Variants in BSND observed in about 807,000 individuals in gnomAD.
BSND encodes the protein barttin CLCNK type accessory subunit beta.
Under a neutral mutation model 18.8 loss-of-function variants are expected in BSND, and 13 were observed. The ratio of observed to expected loss-of-function variants is 0.69; its 90% confidence interval spans 0.45 to 1.10. The LOEUF is 1.10. Among genes scored for constraint, BSND ranks in the 50% least tolerant of loss-of-function variants. The pLI, the probability that BSND is intolerant of heterozygous loss-of-function variation, is 0.00. For missense variants in BSND, 379 were observed against 416.7 expected, an observed-to-expected ratio of 0.91 and a Z score of 0.79; for synonymous variants, 170 against 161.8, an observed-to-expected ratio of 1.05 and a Z score of -0.39.
At chr1:55,005,253 T>A in intron 2 of BSND, 137 bp downstream of exon 2, 3 of 733,800 alleles carry the variant, frequency 4.1e-6, no homozygotes, top group Non-Finnish European at 6.8e-6. Context: ...TTATGGACTG[T>A]TTTCAACTCT....
Position 55,005,061 on chromosome 1 carries a change from C to G in BSND, c.217C>G (p.Leu73Val), listed in dbSNP as rs754054547. ...TGCTGACTCTGACTTTCAAGGCATC[C>G]TCTCCCCAAAGGCCATGGGCCTGCT... ...VPADSDFQGI[L>V]SPKAMGLLEN... The change falls in exon 2 of 4, where the codon CTC (leucine) becomes GTC (valine). Residue 73 changes from leucine to valine, a missense_variant. Transcript: ENST00000651561. 2 of 1,614,092 alleles carry G rather than the reference C, an allele frequency of 1.2e-6. No individual in the cohort carries two copies. The highest frequency in any genetic ancestry group is 4.5e-5 in the East Asian group (2 of 44,890).
Position 55,012,162 on chromosome 1 carries a change from C to T in BSND, c.*3534C>T, listed in dbSNP as rs953827539. ...GGGCAGGGAACCTGGGCTCTGCCGA[C>T]CGCTCGCCATGACCTTGGGTACATC... On this transcript the variant is annotated 3_prime_UTR_variant, in exon 4 of 4. Coordinates refer to ENST00000651561, the MANE Select transcript of BSND (RefSeq NM_057176.3). 1.6e-4 allele frequency among the ~76,000 whole-genome samples: 24 copies of T among 152,206 alleles called. No individual in the cohort carries two copies. The highest frequency in any genetic ancestry group is 5.8e-4 in the African/African-American group (24 of 41,452).
intron 1 of BSND, among the ~76,000 whole-genome samples, chr1:55,003,704 C>G (rs1644374577): frequency 6.6e-6 from 1 of 152,170 alleles, no homozygotes; most frequent in Admixed American, 6.6e-5. Flanking sequence ...AGAAGTCAGA[C>G]AACTGAATCA....
At chr1:55,004,715 G>A (rs1440116454) in intron 1 of BSND, among the ~76,000 whole-genome samples, 1 of 152,212 alleles carries the variant, frequency 6.6e-6, no homozygotes, top group Non-Finnish European at 1.5e-5. Context: ...ATGAAAAGAT[G>A]TGAGCTCCTC....
chr1:55,008,375 G>A lies in BSND; in HGVS notation c.710G>A (p.Arg237His), dbSNP rs138955530. ...CAGGGCTGCAGGTGCCCGCTGGACC[G>A]CTTCCAAGACTTTGCCCTGATTGAT... ...EPQGCRCPLD[R>H]FQDFALIDAP... is the part of the protein sequence containing the mutation. The change falls in exon 4 of 4, where the codon CGC (arginine) becomes CAC (histidine). Residue 237 changes from arginine (R) to histidine (H), a missense_variant. Physicochemically the swap from Arg to His is conservative, Grantham distance 29 (BLOSUM62 0). Transcript: ENST00000651561. 4.4e-5 allele frequency: 71 copies of A among 1,614,112 alleles called. No homozygotes were observed. Among genetic ancestry groups the A allele is most frequent in the South Asian group, 4.2e-4 (38 of 91,094 alleles).
rs1370907891 is a variant in BSND at position 55,016,058 on chromosome 1, A to G, written c.*7430A>G. Among the ~76,000 whole-genome samples, 1 of 152,134 alleles carries G rather than the reference A, an allele frequency of 6.6e-6. No individual in the cohort carries two copies. Among genetic ancestry groups the G allele is most frequent in the Non-Finnish European group, 1.5e-5 (1 of 68,000 alleles). ...GGGTGAGTGAGTGACTGGGGACTGGACCAGGGCGGGCTGTGGTTGTTGCCC... is the reference window on the plus strand; with the variant it reads ...GGGTGAGTGAGTGACTGGGGACTGGGCCAGGGCGGGCTGTGGTTGTTGCCC... On this transcript the variant is annotated 3_prime_UTR_variant, in exon 4 of 4. Coordinates refer to ENST00000651561, the MANE Select transcript of BSND (RefSeq NM_057176.3).
intron 1 of BSND, among the ~76,000 whole-genome samples, chr1:55,004,589 G>C (rs1644380375): frequency 6.6e-6 from 1 of 152,208 alleles, no homozygotes; most frequent in African/African-American, 2.4e-5. Context: ...ACCCACTGCA[G>C]CCCATGTGGC....
At chr1:55,000,437 T>C (rs1416401105) in intron 1 of BSND, among the ~76,000 whole-genome samples, 1 of 142,550 alleles carries the variant, frequency 7.0e-6, no homozygotes, top group Non-Finnish European at 1.5e-5. Context: ...TCCTCATTTG[T>C]ACACTGTGTG....
Position 54,998,958 on chromosome 1 carries a change from T to A in BSND, c.-229T>A. 1 of 566,014 alleles carries A rather than the reference T, an allele frequency of 1.8e-6. No individual in the cohort carries two copies. Among genetic ancestry groups the A allele is most frequent in the Non-Finnish European group, 3.2e-6 (1 of 316,934 alleles). 35.1% of individuals were successfully genotyped at this position (566,014 alleles called of 1,614,324 possible). Reference sequence around the variant, plus strand: ...AGAGGGAAGGTGAGAGGGCAAGGAGTAAAGGTGGCTGGGTGTGGGTCCGTT... The same window carrying A: ...AGAGGGAAGGTGAGAGGGCAAGGAGAAAAGGTGGCTGGGTGTGGGTCCGTT... On this transcript the variant is annotated 5_prime_UTR_variant, in exon 1 of 4. Coordinates refer to ENST00000651561, the MANE Select transcript of BSND (RefSeq NM_057176.3).
intron 1 of BSND, among the ~76,000 whole-genome samples, chr1:55,004,557 TG>T: frequency 1.3e-5 from 2 of 152,226 alleles, no homozygotes; most frequent in Non-Finnish European, 2.9e-5. Flanking sequence ...GGACAGGGAC[TG>T]GCGGGCATAA....
rs1260968188 is a variant in BSND, at chr1:54,999,352, T to G, written c.166T>G (p.Cys56Gly). ...IGGIIWSMCQ[C>G]YPKITFVPAD... ...GGGCATCATCTGGAGCATGTGCCAG[T>G]GCTACCCCAAGGTAGGTGGTAGTGG... is the stretch of plus-strand genomic sequence containing the variant. The change falls in exon 1 of 4, where the codon TGC becomes GGC. Residue 56 changes from cysteine (C) to glycine (G), a missense_variant. By Grantham distance (159) the Cys-to-Gly change is radical (BLOSUM62 -3). Transcript: ENST00000651561. The G allele has an allele frequency of 1.9e-6, 3 of 1,609,660 alleles. No individual in the cohort carries two copies. Among genetic ancestry groups the G allele is most frequent in the East Asian group, 4.5e-5 (2 of 44,766 alleles).
chr1:54,999,292 A>C lies in BSND; in HGVS notation c.106A>C (p.Thr36Pro). The change falls in exon 1 of 4, where the codon ACC becomes CCC. Residue 36 changes from threonine to proline, a missense_variant. Physicochemically the swap from Thr to Pro is conservative, Grantham distance 38 (BLOSUM62 -1). Coordinates refer to ENST00000651561, the MANE Select transcript of BSND (RefSeq NM_057176.3). Reference protein sequence around the residue: ...MSHDRPQVYGTFYAMGSVMVI... With the variant: ...MSHDRPQVYGPFYAMGSVMVI... Reference sequence around the variant, plus strand: ...CCATGATCGGCCCCAGGTCTACGGCACCTTCTATGCCATGGGCAGCGTCAT... The same window carrying C: ...CCATGATCGGCCCCAGGTCTACGGCCCCTTCTATGCCATGGGCAGCGTCAT... 6.2e-7 allele frequency: 1 copy of C among 1,613,928 alleles called. No individual in the cohort carries two copies.
Position 55,007,289 on chromosome 1 carries a change from C to T in BSND, c.548+17C>T. ...CTGGCCCGGGTGAGTGCTTAGAGGG[C>T]AGGAGTGGGGCTTCTGCCCAGTTCA... is the stretch of plus-strand genomic sequence containing the variant. On this transcript the variant is annotated intron_variant, in intron 3 of 3. Coordinates refer to ENST00000651561, the MANE Select transcript of BSND (RefSeq NM_057176.3). 1 of 1,567,984 alleles carries T rather than the reference C, an allele frequency of 6.4e-7. No individual in the cohort carries two copies. Among genetic ancestry groups the T allele is most frequent in the Non-Finnish European group, 8.7e-7 (1 of 1,154,854 alleles).
intron 1 of BSND, among the ~76,000 whole-genome samples, chr1:55,001,925 G>C (rs562598874): frequency 3.5e-4 from 54 of 152,344 alleles, no homozygotes; most frequent in African/African-American, 1.3e-3. Flanking sequence ...GGTAGCGAGG[G>C]AGTGGGGCTC....
intron 2 of BSND, among the ~76,000 whole-genome samples, chr1:55,006,568 C>T (rs1481808522): frequency 6.6e-6 from 1 of 152,192 alleles, no homozygotes; most frequent in African/African-American, 2.4e-5. Context: ...TGTAGACTGT[C>T]ATTGCTGGGT....
rs768275152 is a variant in BSND at position 55,007,232 on chromosome 1, G to A, written c.508G>A (p.Glu170Lys). Residue 170 changes from glutamate to lysine, a missense_variant, in exon 3 of 4, where the codon GAG (glutamate) becomes AAG (lysine). Coordinates refer to ENST00000651561, the MANE Select transcript of BSND (RefSeq NM_057176.3). ...CGTGGTCATCCACAAGGGCTCAGAC[G>A]AGAGTGAAGGGGAAAGACGCCTAAC... Reference protein sequence around the residue: ...AAVVIHKGSDESEGERRLTQS... With the variant: ...AAVVIHKGSDKSEGERRLTQS... 2.0e-5 allele frequency: 33 copies of A among 1,612,324 alleles called. No individual in the cohort carries two copies. Among genetic ancestry groups the A allele is most frequent in the Middle Eastern group, 3.3e-4 (2 of 6,058 alleles).
chr1:55,001,201 CGTGTGTGTGTGTGTGTGTGTGT>C (rs36051858), intron 1 of BSND, among the ~76,000 whole-genome samples: 1 of 136,910 alleles, frequency 7.3e-6, no homozygotes, highest in Non-Finnish European at 1.6e-5. Context: ...ACAGTGGGAT[CGTGTGTGTGTGTGTGTGTGTGT>C]GTGTGTGTGT....
chr1:55,005,827 A>G (rs1644386802), intron 2 of BSND, among the ~76,000 whole-genome samples: 1 of 151,900 alleles, frequency 6.6e-6, no homozygotes, highest in South Asian at 2.1e-4. Flanking sequence ...CACTAGCCCC[A>G]AACCTCATGG....
Position 55,005,123 on chromosome 1 carries a change from G to T in BSND, c.272+7G>T, listed in dbSNP as rs1570272568. The T allele has an allele frequency of 1.2e-6, 2 of 1,613,894 alleles. No individual in the cohort carries two copies. Among genetic ancestry groups the T allele is most frequent in the African/African-American group, 1.3e-5 (1 of 74,934 alleles). The stretch of plus-strand genomic sequence containing the variant: ...TTGCTGCCGAGATGAAGAGGTAGGT[G>T]CCAGGCCCTCTCGGGAGGGGAGGAG... On this transcript the variant is annotated splice_region_variant and intron_variant, in intron 2 of 3. Coordinates refer to ENST00000651561, the MANE Select transcript of BSND (RefSeq NM_057176.3).
Sources: allele counts gnomAD v4.1 joint callset (sites outside exome capture counted in the v4.1 genomes callset), GRCh38; gene constraint gnomAD v4.1.1; transcripts MANE v1.5; gene names NCBI Gene and HGNC (gene_info 2026-07-23, HGNC 2026-07-21).